Variants in PRKCD observed in about 807,000 individuals in gnomAD.
PRKCD encodes the protein protein kinase C delta type.
In PRKCD, 20 loss-of-function variants were observed where a neutral mutation model predicts 82.2. The ratio of observed to expected loss-of-function variants is 0.24; its 90% CI spans 0.17 to 0.35. PRKCD has a LOEUF of 0.35. Among genes scored for constraint, PRKCD ranks in the 10% least tolerant of loss-of-function variants. PRKCD has a pLI of 1.00. For missense variants in PRKCD, 607 were observed against 899.0 expected (o/e 0.68, Z 4.15); for synonymous variants, 317 against 337.0 (o/e 0.94, Z 0.65).
intron 2 of PRKCD, among the ~76,000 whole-genome samples, chr3:53,176,696 T>C (rs542051353): frequency 2.0e-5 from 3 of 152,224 alleles, no homozygotes; most frequent in Non-Finnish European, 4.4e-5. Context: ...GAGGAGCCCC[T>C]TGGAGTCACT....
chr3:53,191,999 TG>T, intron 18 of PRKCD, 108 bp from the exon 19 acceptor site: 1 of 1,153,216 alleles, frequency 8.7e-7, no homozygotes, highest in Non-Finnish European at 1.3e-6. Flanking sequence ...TCTTCTGTTC[TG>T]GGTGAGGACA....
chr3:53,187,199 A>G (rs1703736986), intron 14 of PRKCD, 141 bp from the exon 15 acceptor site: 9 of 968,032 alleles, frequency 9.3e-6, no homozygotes, highest in Non-Finnish European at 1.5e-5. Flanking sequence ...GCCTGATACA[A>G]GATGTACTTG....
chr3:53,188,187 C>CAAAAAAAAAAAAAAAAAAAA lies in PRKCD; in HGVS notation c.1416-525_1416-506dup, dbSNP rs557772373. On this transcript the variant is annotated intron_variant, in intron 15 of 18. Coordinates refer to ENST00000330452, the MANE Select transcript of PRKCD (RefSeq NM_006254.4). The stretch of plus-strand genomic sequence containing the variant: ...TGTGTGACAGAATGAGACTGTGTCT[C>CAAAAAAAAAAAAAAAAAAAA]AAAAAAAAAAAAAAAAAAAAAAAAA... 1.1e-4 allele frequency among the ~76,000 whole-genome samples: 5 copies of CAAAAAAAAAAAAAAAAAAAA among 45,588 alleles called. 1 individual carries two copies. The highest frequency in any genetic ancestry group is 2.9e-4 in the African/African-American group (4 of 13,652). The allele number at this position is 45,588 out of a possible 152,430, so 29.9% of individuals were successfully genotyped here. A position where few individuals can be genotyped will look rare whatever the true frequency, so the allele number is the denominator to read the frequency against.
At position 53,183,446 on chromosome 3, in the gene PRKCD, C is replaced by CTCCA. The variant is rs782574122; in HGVS notation, c.658-5_658-2dup. On this transcript the variant is annotated splice_polypyrimidine_tract_variant and splice_region_variant and intron_variant, in intron 8 of 18. Coordinates refer to ENST00000330452, the MANE Select transcript of PRKCD (RefSeq NM_006254.4). ...GACCCTCAGCCTGTGATACCCCCAC[C>CTCCA]TCCAGTTCCAGAAAGAACGCTTCAA... 43 of 1,613,994 alleles carry CTCCA rather than the reference C, an allele frequency of 2.7e-5. No homozygotes were observed. The African/African-American group carries it at 2.9e-4, about 11-fold the overall frequency.
chr3:53,178,297 A>C (rs529097556), intron 2 of PRKCD, 107 bp from the exon 3 acceptor site: 153 of 658,186 alleles, frequency 2.3e-4, no homozygotes, highest in Non-Finnish European at 3.4e-4. Context: ...CATGTGGGCC[A>C]AACCCAATCA....
chr3:53,191,891 C>T (rs1186114792), intron 18 of PRKCD, among the ~76,000 whole-genome samples: 1 of 152,228 alleles, frequency 6.6e-6, no homozygotes, highest in African/African-American at 2.4e-5. Flanking sequence ...CCTCTCCTAA[C>T]CCAGGCCCAG....
Sources: allele counts gnomAD v4.1 joint callset (sites outside exome capture counted in the v4.1 genomes callset), GRCh38; gene constraint gnomAD v4.1.1; transcripts MANE v1.5; gene names NCBI Gene and HGNC (gene_info 2026-07-23, HGNC 2026-07-21).